Variants in AKAP6 observed in about 807,000 individuals in gnomAD.
AKAP6 encodes the protein A-kinase anchor protein 6.
Under a neutral mutation model 188.5 loss-of-function variants are expected in AKAP6, and 58 were observed. The ratio of observed to expected loss-of-function variants is 0.31; its 90% CI spans 0.25 to 0.38. The LOEUF is 0.38. Among genes scored for constraint, AKAP6 ranks in the 10% least tolerant of loss-of-function variants. AKAP6 has a pLI of 1.00. For synonymous variants in AKAP6, 989 were observed against 998.6 expected, an observed-to-expected ratio of 0.99 and a Z score of 0.18; for missense variants, 2,710 against 2,740.0, an observed-to-expected ratio of 0.99 and a Z score of 0.24.
chr14:32,824,333 G>C lies in AKAP6; in HGVS notation c.6520G>C (p.Ala2174Pro). The change falls in exon 13 of 14, where the codon GCT (alanine) becomes CCT (proline). Residue 2174 changes from alanine to proline, a missense_variant. Physicochemically the swap from Ala to Pro is conservative, Grantham distance 27. Coordinates refer to ENST00000280979, the MANE Select transcript of AKAP6 (RefSeq NM_004274.5). ...TGGAGAGGAGCCTTGTTTCTCTAGT[G>C]CTCCTCCAAATGAATCTGCAGTTCC... ...SDGEEPCFSSAPPNESAVPSE... is the reference protein window; with the variant it reads ...SDGEEPCFSSPPPNESAVPSE... The C allele has an allele frequency of 6.2e-7, 1 of 1,613,830 alleles. No individual in the cohort carries two copies. The highest frequency in any genetic ancestry group is 1.7e-5 in the Admixed American group (1 of 59,888).
At chr14:32,486,386 A>G (rs915951614) in intron 2 of AKAP6, among the ~76,000 whole-genome samples, 1 of 152,158 alleles carries the variant, frequency 6.6e-6, no homozygotes, top group Non-Finnish European at 1.5e-5. Flanking sequence ...AATAGCATTG[A>G]ATCTTTAAAT....
At chr14:32,623,852 ACTGT>A (rs1388733702) in intron 7 of AKAP6, among the ~76,000 whole-genome samples, 17 of 152,136 alleles carry the variant, frequency 1.1e-4, no homozygotes, top group African/African-American at 4.1e-4. Context: ...AGTGGGCTCC[ACTGT>A]CTGTCTGCAT....
intron 1 of AKAP6, among the ~76,000 whole-genome samples, chr14:32,403,908 G>A (rs1034974021): frequency 2.0e-5 from 3 of 152,144 alleles, no homozygotes; most frequent in Non-Finnish European, 4.4e-5. Flanking sequence ...AGATCAGATT[G>A]TTGAATTATT....
rs1458248251 is a variant in AKAP6, at chr14:32,374,437, A to G, written c.-35+45029A>G. 2.6e-5 allele frequency among the ~76,000 whole-genome samples: 4 copies of G among 152,334 alleles called. No homozygotes were observed. In the East Asian group the frequency reaches 7.7e-4, roughly 29 times the overall value. ...GGCTCTTCCAGGCAAAGATAGAAGG[A>G]TGACAAAGGCTTAGCCACAAAAAAG... is the stretch of plus-strand genomic sequence containing the variant. On this transcript the variant is annotated intron_variant, in intron 1 of 13. Transcript: ENST00000280979.
At chr14:32,485,888 C>T (rs1175735232) in intron 2 of AKAP6, among the ~76,000 whole-genome samples, 1 of 152,092 alleles carries the variant, frequency 6.6e-6, no homozygotes, top group East Asian at 1.9e-4. Flanking sequence ...AAGTCTTTGC[C>T]CATGCCTATG....
At chr14:32,354,608 G>C (rs953541434) in intron 1 of AKAP6, among the ~76,000 whole-genome samples, 1 of 152,154 alleles carries the variant, frequency 6.6e-6, no homozygotes, top group Non-Finnish European at 1.5e-5. Flanking sequence ...TCCTCTATCT[G>C]TAAGTATGCT....
chr14:32,806,457 G>T (rs1306760863), intron 12 of AKAP6, among the ~76,000 whole-genome samples: 2 of 152,108 alleles, frequency 1.3e-5, no homozygotes, highest in Non-Finnish European at 2.9e-5. Context: ...CAGGTGGATT[G>T]CTTGAGGCTA....
At position 32,837,577 on chromosome 14, in the gene AKAP6, T is replaced by G. The variant is rs1040612256; in HGVS notation, c.*7772T>G. ...GCAATTCAAAACAAATAATTCCCTC[T>G]GTGTGTGTTTGTTTGCTTGCAAATA... On this transcript the variant is annotated 3_prime_UTR_variant, in exon 14 of 14. Transcript: ENST00000280979. 3 of 152,220 alleles carry G rather than the reference T, an allele frequency of 2.0e-5. No individual in the cohort carries two copies. The highest frequency in any genetic ancestry group is 4.4e-5 in the Non-Finnish European group (3 of 68,036). 9.4% of individuals were successfully genotyped at this position (152,220 alleles called of 1,614,324 possible). A position where few individuals can be genotyped will look rare whatever the true frequency, so the allele number is the denominator to read the frequency against.
At chr14:32,663,336 C>A in intron 7 of AKAP6, among the ~76,000 whole-genome samples, 1 of 151,998 alleles carries the variant, frequency 6.6e-6, no homozygotes, top group East Asian at 1.9e-4. Context: ...ATATCAGACC[C>A]CCTGCTTGCC....
chr14:32,398,566 A>G (rs1888954311), intron 1 of AKAP6, among the ~76,000 whole-genome samples: 1 of 152,108 alleles, frequency 6.6e-6, no homozygotes, highest in Admixed American at 6.5e-5. Flanking sequence ...CATCCACACC[A>G]TGTACTGAGG....
At chr14:32,576,083 G>T (rs1884702500) in intron 4 of AKAP6, among the ~76,000 whole-genome samples, 1 of 152,036 alleles carries the variant, frequency 6.6e-6, no homozygotes, top group East Asian at 1.9e-4. Flanking sequence ...AACCTAGCTT[G>T]TGATAAACAT....
chr14:32,593,398 G>T (rs1885566559), intron 5 of AKAP6, among the ~76,000 whole-genome samples: 1 of 152,202 alleles, frequency 6.6e-6, no homozygotes, highest in South Asian at 2.1e-4. Flanking sequence ...ATGTGAAGCA[G>T]TGGGAAGCTT....
chr14:32,448,360 C>T (rs898952356), intron 2 of AKAP6, among the ~76,000 whole-genome samples: 2 of 152,114 alleles, frequency 1.3e-5, no homozygotes, highest in Non-Finnish European at 2.9e-5. Flanking sequence ...GGGTGAGGAC[C>T]CTTTCTTCCT....
rs1366846810 is a variant in AKAP6 at position 32,823,991 on chromosome 14, G to A, written c.6178G>A (p.Val2060Ile). The part of the protein sequence containing the change: ...DAEDCSVHNF[V>I]KEIIDMASTA... ...CGAAGATTGTTCAGTACACAACTTT[G>A]TTAAGGAAATCATTGACATGGCTTC... The change falls in exon 13 of 14, where the codon GTT (valine) becomes ATT (isoleucine). Residue 2060 changes from valine to isoleucine, a missense_variant. Val to Ile is a conservative substitution (Grantham distance 29). Coordinates refer to ENST00000280979, the MANE Select transcript of AKAP6 (RefSeq NM_004274.5). 1.2e-6 allele frequency: 2 copies of A among 1,613,952 alleles called. No homozygotes were observed. Among genetic ancestry groups the A allele is most frequent in the African/African-American group, 1.3e-5 (1 of 75,030 alleles).
chr14:32,527,839 T>G (rs749551723), intron 2 of AKAP6, among the ~76,000 whole-genome samples: 5 of 152,232 alleles, frequency 3.3e-5, no homozygotes, highest in Non-Finnish European at 7.3e-5. Context: ...CTTCTTTATA[T>G]ATTTTGAATA....
chr14:32,632,924 G>A (rs1485831353), intron 7 of AKAP6, among the ~76,000 whole-genome samples: 1 of 152,074 alleles, frequency 6.6e-6, no homozygotes, highest in Non-Finnish European at 1.5e-5. Flanking sequence ...TCACTCATTT[G>A]TATCACATAT....
At chr14:32,721,331 A>G (rs1472941428) in intron 9 of AKAP6, among the ~76,000 whole-genome samples, 1 of 152,230 alleles carries the variant, frequency 6.6e-6, no homozygotes, top group African/African-American at 2.4e-5. Flanking sequence ...ATTAAAATGC[A>G]CATCTTCGAT....
At chr14:32,517,321 A>C (rs774128898) in intron 2 of AKAP6, among the ~76,000 whole-genome samples, 30 of 152,226 alleles carry the variant, frequency 2.0e-4, no homozygotes, top group Non-Finnish European at 4.1e-4. Context: ...AGGCTGTTCA[A>C]AGATGGCAGA....
At chr14:32,540,181 T>TATAC (rs1882878665) in intron 3 of AKAP6, among the ~76,000 whole-genome samples, 1 of 140,764 alleles carries the variant, frequency 7.1e-6, no homozygotes, top group Non-Finnish European at 1.5e-5. Flanking sequence ...TATATATATA[T>TATAC]ATATATATAT....
Sources: gnomAD v4.1 joint callset for allele counts (sites outside exome capture counted in the v4.1 genomes callset) on GRCh38, gnomAD v4.1.1 for gene constraint, MANE v1.5 for transcripts, NCBI Gene and HGNC (gene_info 2026-07-23, HGNC 2026-07-21) for gene names.